LDB2: variants seen among roughly 807,000 people sequenced by gnomAD.
LDB2 encodes the protein LIM domain binding 2.
A neutral mutation model predicts 44.3 loss-of-function variants in LDB2; 12 were observed. The ratio of observed to expected loss-of-function variants is 0.27; its 90% CI spans 0.17 to 0.44. The LOEUF (loss-of-function observed/expected upper bound fraction) is 0.44. Ranked by LOEUF, LDB2 falls within the 20% of genes least tolerant of loss-of-function variation. LDB2 has a pLI of 1.00. For synonymous variants in LDB2, 164 were observed against 174.8 expected (o/e 0.94, Z 0.49); for missense variants, 344 against 473.5 (o/e 0.73, Z 2.54).
At position 16,790,658 on chromosome 4, in the gene LDB2, C is replaced by T. The variant is rs560671566; in HGVS notation, c.133-31398G>A. ...TGCATGACCATTCAAAGCAGTCTGACGGAGCTAACATATTATTTCCTCGAT... is the reference window on the plus strand; with the variant it reads ...TGCATGACCATTCAAAGCAGTCTGATGGAGCTAACATATTATTTCCTCGAT... On this transcript the variant is annotated intron_variant, in intron 1 of 7. Transcript: ENST00000304523. 1.1e-3 allele frequency among the ~76,000 whole-genome samples: 173 copies of T among 151,538 alleles called. 1 individual carries two copies. The highest frequency in any genetic ancestry group is 3.7e-3 in the African/African-American group (152 of 40,814).
intron 5 of LDB2, among the ~76,000 whole-genome samples, chr4:16,584,528 T>A (rs571195218): frequency 6.6e-6 from 1 of 152,300 alleles, no homozygotes; most frequent in East Asian, 1.9e-4. Flanking sequence ...GGGATGGTAA[T>A]GGGGCACAGG....
rs557225522 is a variant in LDB2 at position 16,709,799 on chromosome 4, A to T, written c.235+49359T>A. On this transcript the variant is annotated intron_variant, in intron 2 of 7. Coordinates refer to ENST00000304523, the MANE Select transcript of LDB2 (RefSeq NM_001290.5). ...TCTTGAAATACTATAAGTGAGAATA[A>T]TCCCAGAGGGAATGTCACCTGCAGC... Among the ~76,000 whole-genome samples the T allele has an allele frequency of 2.0e-5, 3 of 152,290 alleles. No homozygotes were observed. In the East Asian group the frequency reaches 5.8e-4, roughly 29 times the overall value.
chr4:16,671,731 A>G (rs549780245), intron 2 of LDB2, among the ~76,000 whole-genome samples: 33 of 152,158 alleles, frequency 2.2e-4, no homozygotes, highest in African/African-American at 7.7e-4. Context: ...CAAAGTCTGC[A>G]ATAGCTTGGG....
intron 2 of LDB2, among the ~76,000 whole-genome samples, chr4:16,727,891 C>T (rs1194458533): frequency 6.6e-6 from 1 of 152,076 alleles, no homozygotes; most frequent in East Asian, 1.9e-4. Flanking sequence ...CATTATCTAG[C>T]CCAAGTTTTA....
intron 5 of LDB2, chr4:16,581,481 C>T (rs545824847): frequency 1.0e-6 from 1 of 973,252 alleles, no homozygotes; most frequent in East Asian, 1.1e-4. Flanking sequence ...TGTTTTGGCT[C>T]AAAACACCTA....
chr4:16,811,985 C>G (rs1198475844), intron 1 of LDB2, among the ~76,000 whole-genome samples: 8 of 152,192 alleles, frequency 5.3e-5, no homozygotes, highest in Admixed American at 5.2e-4. Flanking sequence ...AATCCTGCCC[C>G]ATCAAATCTT....
chr4:16,687,799 A>G (rs531579757), intron 2 of LDB2, among the ~76,000 whole-genome samples: 1 of 152,336 alleles, frequency 6.6e-6, no homozygotes, highest in South Asian at 2.1e-4. Context: ...ATGTGATTCT[A>G]GGAACTGTCT....
At chr4:16,527,759 T>C (rs1728730866) in intron 5 of LDB2, among the ~76,000 whole-genome samples, 1 of 152,156 alleles carries the variant, frequency 6.6e-6, no homozygotes. Context: ...TAATACTATA[T>C]TGTATACTTT....
intron 2 of LDB2, among the ~76,000 whole-genome samples, chr4:16,712,378 C>T (rs564256320): frequency 1.3e-3 from 195 of 152,092 alleles, no homozygotes; most frequent in African/African-American, 4.4e-3. Context: ...ATGGTGAAAC[C>T]CCGTCTCTAC....
chr4:16,701,281 T>C (rs926767866), intron 2 of LDB2, among the ~76,000 whole-genome samples: 5 of 152,204 alleles, frequency 3.3e-5, no homozygotes, highest in African/African-American at 7.2e-5. Flanking sequence ...TAGACAATCA[T>C]GTTCTTAGTC....
chr4:16,815,948 C>T (rs1780803087), intron 1 of LDB2, among the ~76,000 whole-genome samples: 1 of 152,184 alleles, frequency 6.6e-6, no homozygotes. Context: ...TGGCTCATGC[C>T]TATAATCCCA....
At chr4:16,828,850 C>T (rs1235941873) in intron 1 of LDB2, among the ~76,000 whole-genome samples, 1 of 152,032 alleles carries the variant, frequency 6.6e-6, no homozygotes, top group East Asian at 1.9e-4. Flanking sequence ...AGAAATACTC[C>T]TATCTTTATT....
intron 2 of LDB2, among the ~76,000 whole-genome samples, chr4:16,686,483 C>A (rs1165986681): frequency 5.9e-5 from 9 of 152,204 alleles, no homozygotes. Flanking sequence ...TGTGCTCTTG[C>A]TCTTGTGTGT....
chr4:16,822,893 A>G (rs769552147), intron 1 of LDB2, among the ~76,000 whole-genome samples: 3 of 152,204 alleles, frequency 2.0e-5, no homozygotes, highest in Non-Finnish European at 2.9e-5. Context: ...TTCCATGTCT[A>G]TTAGTATTCT....
intron 2 of LDB2, among the ~76,000 whole-genome samples, chr4:16,758,017 G>A (rs1010584016): frequency 2.0e-5 from 3 of 152,096 alleles, no homozygotes; most frequent in African/African-American, 7.2e-5. Flanking sequence ...ACCAGTTTCA[G>A]TTGGGCAGCA....
At chr4:16,604,887 A>G (rs1328199377) in intron 2 of LDB2, among the ~76,000 whole-genome samples, 3 of 152,144 alleles carry the variant, frequency 2.0e-5, no homozygotes, top group Non-Finnish European at 2.9e-5. Context: ...CATATACCAC[A>G]TTTTTGGATA....
chr4:16,531,204 T>G (rs1179541403), intron 5 of LDB2, among the ~76,000 whole-genome samples: 1 of 152,240 alleles, frequency 6.6e-6, no homozygotes, highest in Middle Eastern at 3.2e-3. Context: ...ATTACAAAAC[T>G]GTTATCCCTC....
chr4:16,886,000 T>C (rs1721573593), intron 1 of LDB2, among the ~76,000 whole-genome samples: 1 of 152,014 alleles, frequency 6.6e-6, no homozygotes, highest in South Asian at 2.1e-4. Context: ...AGGATCACCA[T>C]GAGCCAGGAG....
At chr4:16,865,819 G>A (rs1714527451) in intron 1 of LDB2, among the ~76,000 whole-genome samples, 1 of 152,240 alleles carries the variant, frequency 6.6e-6, no homozygotes, top group African/African-American at 2.4e-5. Context: ...CAGCCACACT[G>A]GCCTTGCTGC....
Sources: allele counts gnomAD v4.1 joint callset (sites outside exome capture counted in the v4.1 genomes callset), GRCh38; gene constraint gnomAD v4.1.1; transcripts MANE v1.5; gene names NCBI Gene and HGNC (gene_info 2026-07-23, HGNC 2026-07-21).